The following EYS variants were observed in gnomAD, a reference collection of about 807,000 sequenced individuals.
EYS encodes the protein protein eyes shut homolog.
A neutral mutation model predicts 282.1 loss-of-function variants in EYS; 250 were observed. The ratio of observed to expected loss-of-function variants is 0.89; its 90% CI spans 0.80 to 0.98. EYS has a LOEUF of 0.98. Ranked by LOEUF, EYS falls within the 50% of genes least tolerant of loss-of-function variation. The pLI, the probability that EYS is intolerant of heterozygous loss-of-function variation, is 0.00. For synonymous variants in EYS, 1,355 were observed against 1,282.9 expected, an observed-to-expected ratio of 1.06 and a Z score of -1.20; for missense variants, 4,016 against 3,709.0, an observed-to-expected ratio of 1.08 and a Z score of -2.15.
At chr6:64,819,603 G>A (rs889552089) in intron 21 of EYS, among the ~76,000 whole-genome samples, 57 of 151,904 alleles carry the variant, frequency 3.8e-4, no homozygotes, top group African/African-American at 1.3e-3. Flanking sequence ...TATTCACTAT[G>A]AGTTAAAGCA....
At chr6:64,449,868 G>C (rs1775259365) in intron 26 of EYS, among the ~76,000 whole-genome samples, 1 of 152,088 alleles carries the variant, frequency 6.6e-6, no homozygotes, top group South Asian at 2.1e-4. Flanking sequence ...ACTAAACATG[G>C]AAAGGAACAA....
chr6:64,128,123 A>C (rs116188483), intron 31 of EYS, among the ~76,000 whole-genome samples: 3 of 152,108 alleles, frequency 2.0e-5, no homozygotes, highest in Admixed American at 6.5e-5. Context: ...ACTTTCTCCA[A>C]TATAATAGTA....
chr6:64,034,489 T>C (rs890470428), intron 33 of EYS, among the ~76,000 whole-genome samples: 1 of 151,998 alleles, frequency 6.6e-6, no homozygotes, highest in Non-Finnish European at 1.5e-5. Flanking sequence ...TGGCCCTGAG[T>C]CTGCACACTT....
At chr6:64,766,664 A>ATATATATATATATT (rs1773360548) in intron 22 of EYS, among the ~76,000 whole-genome samples, 1 of 86,776 alleles carries the variant, frequency 1.2e-5, no homozygotes, top group Non-Finnish European at 2.4e-5. Context: ...ATATATATAT[A>ATATATATATATATT]TATATATATA....
At chr6:64,524,515 A>G (rs1172214094) in intron 26 of EYS, among the ~76,000 whole-genome samples, 2 of 151,862 alleles carry the variant, frequency 1.3e-5, no homozygotes, top group African/African-American at 4.8e-5. Context: ...ATTTGTTGCA[A>G]TTGCACTTGG....
intron 13 of EYS, among the ~76,000 whole-genome samples, chr6:65,045,917 T>C (rs1773087490): frequency 6.6e-6 from 1 of 151,912 alleles, no homozygotes; most frequent in Non-Finnish European, 1.5e-5. Context: ...AACTCACCCT[T>C]TTGTTATTAA....
chr6:64,686,820 TGTGTATATATATATATAC>T (rs1562133906), intron 22 of EYS, among the ~76,000 whole-genome samples: 1 of 37,576 alleles, frequency 2.7e-5, no homozygotes, highest in East Asian at 5.0e-4. Flanking sequence ...TATATATATA[TGTGTATATATATATATAC>T]GTGTATATAT....
rs1332126963 is a variant in EYS at position 65,564,968 on chromosome 6, G to A, written c.-332-68975C>T. On this transcript the variant is annotated intron_variant, in intron 2 of 42. Coordinates refer to ENST00000503581, the MANE Select transcript of EYS (RefSeq NM_001142800.2). ...CCCATTAAAAAGTGGGTGAACGGCCGGGCGCGGTGGCTCACGCCTGTAATC... is the reference window on the plus strand; with the variant it reads ...CCCATTAAAAAGTGGGTGAACGGCCAGGCGCGGTGGCTCACGCCTGTAATC... Among the ~76,000 whole-genome samples the A allele has an allele frequency of 2.8e-4, 4 of 14,424 alleles. 2 individuals carry two copies. Among genetic ancestry groups the A allele is most frequent in the South Asian group, 5.5e-3 (2 of 364 alleles). The allele number at this position is 14,424 out of a possible 152,430, so 9.5% of individuals were successfully genotyped here.
chr6:64,495,960 G>A (rs1776876078), intron 26 of EYS, among the ~76,000 whole-genome samples: 1 of 151,632 alleles, frequency 6.6e-6, no homozygotes, highest in Non-Finnish European at 1.5e-5. Context: ...CAAAAGTGCT[G>A]TATTTTAAAA....
intron 35 of EYS, among the ~76,000 whole-genome samples, chr6:63,911,461 G>A (rs1022124780): frequency 1.3e-5 from 2 of 152,174 alleles, no homozygotes; most frequent in Non-Finnish European, 2.9e-5. Context: ...GCCAAGAACA[G>A]ATTGGTTCTG....
intron 41 of EYS, among the ~76,000 whole-genome samples, chr6:63,733,729 A>G (rs1257145804): frequency 1.3e-5 from 2 of 152,134 alleles, no homozygotes; most frequent in Non-Finnish European, 2.9e-5. Flanking sequence ...CAGTTCTCTC[A>G]CGGACCACGT....
At chr6:64,741,323 C>A (rs997028070) in intron 22 of EYS, among the ~76,000 whole-genome samples, 1 of 152,042 alleles carries the variant, frequency 6.6e-6, no homozygotes, top group Non-Finnish European at 1.5e-5. Flanking sequence ...ACGGACTTAA[C>A]ATATTCAGTA....
chr6:65,197,300 G>T (rs529201449), intron 12 of EYS, among the ~76,000 whole-genome samples: 38 of 152,168 alleles, frequency 2.5e-4, no homozygotes, highest in Non-Finnish European at 1.8e-4. Context: ...ACAAAAGGTG[G>T]AAGCTATTAC....
rs565597752 is a variant in EYS, at chr6:63,838,223, C to CT, written c.7228+25962dup. The stretch of plus-strand genomic sequence containing the variant: ...CTTCCAACTGTGTTTCTTTTCTTTT[C>CT]TTTTTTTTTTTCTGTCTTTTAGCCT... On this transcript the variant is annotated intron_variant, in intron 36 of 42. Coordinates refer to ENST00000503581, the MANE Select transcript of EYS (RefSeq NM_001142800.2). Among the ~76,000 whole-genome samples the CT allele has an allele frequency of 3.2e-3, 455 of 142,676 alleles. 3 individuals are homozygous for CT. Among genetic ancestry groups the CT allele is most frequent in the Middle Eastern group, 7.2e-3 (2 of 276 alleles). The allele number at this position is 142,676 out of a possible 152,430, so 93.6% of individuals were successfully genotyped here. A position where few individuals can be genotyped will look rare whatever the true frequency, so the allele number is the denominator to read the frequency against.
intron 42 of EYS, among the ~76,000 whole-genome samples, chr6:63,723,312 G>T (rs1466158365): frequency 6.6e-6 from 1 of 151,978 alleles, no homozygotes. Context: ...AATATACATT[G>T]GGTTATACCA....
intron 5 of EYS, among the ~76,000 whole-genome samples, chr6:65,471,099 T>C (rs894404876): frequency 5.3e-5 from 8 of 151,898 alleles, no homozygotes; most frequent in African/African-American, 1.9e-4. Flanking sequence ...ATCGCGCCAC[T>C]GCACTCCAGC....
intron 30 of EYS, among the ~76,000 whole-genome samples, chr6:64,239,980 A>G (rs1196818130): frequency 6.6e-6 from 1 of 152,214 alleles, no homozygotes; most frequent in African/African-American, 2.4e-5. Flanking sequence ...ATGGCTAGCC[A>G]GTTTTCCCAA....
chr6:63,722,575 C>T (rs1436437558), intron 42 of EYS, among the ~76,000 whole-genome samples: 2 of 152,194 alleles, frequency 1.3e-5, no homozygotes, highest in African/African-American at 2.4e-5. Context: ...AAAGCATGTT[C>T]TTCACTGTAA....
intron 35 of EYS, among the ~76,000 whole-genome samples, chr6:63,933,458 C>T (rs1457688804): frequency 6.6e-6 from 1 of 152,150 alleles, no homozygotes; most frequent in Non-Finnish European, 1.5e-5. Flanking sequence ...GTGCCCACCT[C>T]GGCCTCCCAC....
Sources: allele counts gnomAD v4.1 joint callset (sites outside exome capture counted in the v4.1 genomes callset), GRCh38; gene constraint gnomAD v4.1.1; transcripts MANE v1.5; gene names NCBI Gene and HGNC (gene_info 2026-07-23, HGNC 2026-07-21).